Variants in MUC5B observed in about 807,000 individuals in gnomAD.
The protein encoded by MUC5B is mucin 5B, oligomeric mucus/gel-forming, also known as mucin-5B.
A neutral mutation model predicts 376.9 loss-of-function variants in MUC5B; 116 were observed. That is an observed-to-expected ratio of 0.31 (90% CI 0.26 to 0.36). The LOEUF is 0.36. Among genes scored for constraint, MUC5B ranks in the 10% least tolerant of loss-of-function variants. The probability of loss-of-function intolerance (pLI) is 1.00; values close to 1 mark genes in which losing one functional copy is unlikely to be tolerated. For synonymous variants in MUC5B, 3,517 were observed against 3,390.9 expected (o/e 1.04, Z -1.29); for missense variants, 7,165 against 7,769.9 (o/e 0.92, Z 2.93).
At chr11:1,231,617 G>A (rs1419204140) in intron 14 of MUC5B, 57 bp downstream of exon 14, 11 of 1,506,980 alleles carry the variant, frequency 7.3e-6, no homozygotes, top group African/African-American at 2.8e-5. Flanking sequence ...GCCTGGACTA[G>A]CGCCAGGCTG....
chr11:1,231,503 G>T lies in MUC5B; in HGVS notation c.1621G>T (p.Val541Leu). 6.2e-7 allele frequency: 1 copy of T among 1,606,974 alleles called. No homozygotes were observed. Among genetic ancestry groups the T allele is most frequent in the Non-Finnish European group, 8.5e-7 (1 of 1,177,554 alleles). ...GLGLQLLVQL[V>L]PLMQVFVRLD... Reference sequence around the variant, plus strand: ...GGGGCTGCAGCTGCTGGTGCAGCTGGTGCCACTCATGCAGGTGTTTGTCAG... The same window carrying T: ...GGGGCTGCAGCTGCTGGTGCAGCTGTTGCCACTCATGCAGGTGTTTGTCAG... Residue 541 changes from valine to leucine, a missense_variant, in exon 14 of 49, where the codon GTG (valine) becomes TTG (leucine). Val to Leu is a conservative substitution (Grantham distance 32). Coordinates refer to ENST00000529681, the MANE Select transcript of MUC5B (RefSeq NM_002458.3).
chr11:1,250,910 C>T lies in MUC5B; in HGVS notation c.14030C>T (p.Pro4677Leu), dbSNP rs1862664247. 2 of 1,590,932 alleles carry T rather than the reference C, an allele frequency of 1.3e-6. No individual in the cohort carries two copies. Among genetic ancestry groups the T allele is most frequent in the South Asian group, 1.1e-5 (1 of 89,148 alleles). The change falls in exon 31 of 49, where the codon CCC becomes CTC. Residue 4677 changes from proline (P) to leucine (L), a missense_variant. By Grantham distance (98) the Pro-to-Leu change is moderately conservative. Coordinates refer to ENST00000529681, the MANE Select transcript of MUC5B (RefSeq NM_002458.3). The stretch of plus-strand genomic sequence containing the variant: ...TCTAGCACACAGACCAGTGGTACTC[C>T]CCCATCACTGACCACCACGGCCACT... Reference protein sequence around the residue: ...PSSSTQTSGTPPSLTTTATTI... With the variant: ...PSSSTQTSGTLPSLTTTATTI...
rs1564944301 is a variant in MUC5B at position 1,246,578 on chromosome 11, C to A, written c.9698C>A (p.Thr3233Lys). The change falls in exon 31 of 49, where the codon ACA becomes AAA. Residue 3233 changes from threonine to lysine, a missense_variant. Thr to Lys is a moderately conservative substitution (Grantham distance 78). Transcript: ENST00000529681. ...PALRSTATTP[T>K]ATSVTAIPSS... ...CTGAGAAGCACAGCCACCACACCCA[C>A]AGCTACCAGCGTTACAGCCATCCCC... 1 of 1,613,588 alleles carries A rather than the reference C, an allele frequency of 6.2e-7. No individual in the cohort carries two copies. The highest frequency in any genetic ancestry group is 1.3e-5 in the African/African-American group (1 of 74,906).
Position 1,226,772 on chromosome 11 carries a change from C to A in MUC5B, c.357C>A (p.Arg119=). 6.2e-7 allele frequency: 1 copy of A among 1,612,538 alleles called. No individual in the cohort carries two copies. The highest frequency in any genetic ancestry group is 8.5e-7 in the Non-Finnish European group (1 of 1,179,802). Residue 119 remains arginine (R), a synonymous_variant, in exon 4 of 49, where the codon CGC becomes CGA. Coordinates refer to ENST00000529681, the MANE Select transcript of MUC5B (RefSeq NM_002458.3). ...AAYEDFNVQL[R]RGLVGSRPVV... The stretch of plus-strand genomic sequence containing the variant: ...ACGAGGACTTCAACGTCCAGCTACG[C>A]CGAGGCCTAGTGGGCTCCAGGCCTG...
At position 1,245,679 on chromosome 11, in the gene MUC5B, C is replaced by G. The variant is rs1445457455; in HGVS notation, c.8799C>G (p.Val2933=). ...TCCCCCTGCGGGAGTTGGGCCAGGTCGTGGAATGCAGCCTGGACTTTGGCC... is the reference window on the plus strand; with the variant it reads ...TCCCCCTGCGGGAGTTGGGCCAGGTGGTGGAATGCAGCCTGGACTTTGGCC... ...PGVPLRELGQ[V]VECSLDFGLV... Residue 2933 remains valine, a synonymous_variant, in exon 31 of 49, where the codon GTC becomes GTG. Transcript: ENST00000529681. 5.0e-6 allele frequency: 8 copies of G among 1,605,624 alleles called. No homozygotes were observed. In the African/African-American group the frequency reaches 6.8e-5, roughly 14 times the overall value.
In MUC5B at chr11:1,261,980, G is replaced by C. The variant is rs1454982983; in HGVS notation, c.*372G>C. The C allele has an allele frequency of 1.0e-5, 5 of 492,466 alleles. No homozygotes were observed. Among genetic ancestry groups the C allele is most frequent in the Non-Finnish European group, 2.0e-5 (5 of 249,430 alleles). 30.5% of individuals were successfully genotyped at this position (492,466 alleles called of 1,614,324 possible). ...CAGCTGGCCACGTCCGGCCGCTGGG[G>C]CAGACAGGCTGGTCCAGGCAAGGCC... is the stretch of plus-strand genomic sequence containing the variant. On this transcript the variant is annotated 3_prime_UTR_variant, in exon 49 of 49. Transcript: ENST00000529681.
intron 32 of MUC5B, 138 bp from the exon 33 acceptor site, chr11:1,252,671 G>C (rs1261022248): frequency 7.2e-7 from 1 of 1,388,486 alleles, no homozygotes; most frequent in African/African-American, 1.4e-5. Context: ...GGGCCTAGGG[G>C]CCAGGCTAGC....
chr11:1,248,530 G>A lies in MUC5B; in HGVS notation c.11650G>A (p.Ala3884Thr), dbSNP rs201805060. 6.2e-7 allele frequency: 1 copy of A among 1,612,794 alleles called. No homozygotes were observed. The highest frequency in any genetic ancestry group is 8.5e-7 in the Non-Finnish European group (1 of 1,179,556). Residue 3884 changes from alanine (A) to threonine (T), a missense_variant, in exon 31 of 49, where the codon GCA becomes ACA. Transcript: ENST00000529681. The stretch of plus-strand genomic sequence containing the variant: ...CACCCCCTCCTCCAGCCCAGGGACG[G>A]CACGCACGCCTCCAGTGTGGATCAG... ...TVTPSSSPGTARTPPVWISTT... is the reference protein window; with the variant it reads ...TVTPSSSPGTTRTPPVWISTT...
At position 1,231,021 on chromosome 11, in the gene MUC5B, A is replaced by C; in HGVS notation, c.1540+16A>C. On this transcript the variant is annotated intron_variant, in intron 13 of 48. Coordinates refer to ENST00000529681, the MANE Select transcript of MUC5B (RefSeq NM_002458.3). ...CTGTCGGCAGGTATGTGGCTCTCCCAGGACGGCCGGGCTGGGTGGCGCCTG... is the reference window on the plus strand; with the variant it reads ...CTGTCGGCAGGTATGTGGCTCTCCCCGGACGGCCGGGCTGGGTGGCGCCTG... The C allele has an allele frequency of 6.3e-7, 1 of 1,577,594 alleles. No individual in the cohort carries two copies.
chr11:1,244,270 A>T lies in MUC5B; in HGVS notation c.7390A>T (p.Ile2464Phe), dbSNP rs1862384620. 2.5e-6 allele frequency: 4 copies of T among 1,608,990 alleles called. No homozygotes were observed. In the African/African-American group the frequency reaches 5.4e-5, roughly 22 times the overall value. The change falls in exon 31 of 49, where the codon ATC (isoleucine) becomes TTC (phenylalanine). Residue 2464 changes from isoleucine to phenylalanine, a missense_variant. Transcript: ENST00000529681. ...GTCCTCCACCCCAGGGACCACCTGG[A>T]TCCTCACAGAGCCGAGCACTACAGC... is the stretch of plus-strand genomic sequence containing the variant. Reference protein sequence around the residue: ...TPSSTPGTTWILTEPSTTATV... With the variant: ...TPSSTPGTTWFLTEPSTTATV...
intron 25 of MUC5B, among the ~76,000 whole-genome samples, chr11:1,238,244 C>T (rs537937242): frequency 1.3e-5 from 2 of 152,342 alleles, no homozygotes; most frequent in East Asian, 3.9e-4. Flanking sequence ...TTCCTTAGTG[C>T]ACATTCACTG....
chr11:1,253,021 T>C lies in MUC5B; in HGVS notation c.15217+41T>C. On this transcript the variant is annotated intron_variant, in intron 33 of 48. Transcript: ENST00000529681. This position sits in a 1 kb window ranked among gnomAD's most constrained non-coding sequence, Gnocchi z 4.3. Reference sequence around the variant, plus strand: ...GCCGCGGGATTACCCCGGGGGCAGGTGGAGCAGAGTGCACCGTCGGCTAGG... The same window carrying C: ...GCCGCGGGATTACCCCGGGGGCAGGCGGAGCAGAGTGCACCGTCGGCTAGG... 6.3e-7 allele frequency: 1 copy of C among 1,589,404 alleles called. No individual in the cohort carries two copies. The highest frequency in any genetic ancestry group is 8.5e-7 in the Non-Finnish European group (1 of 1,169,752).
Position 1,229,246 on chromosome 11 carries a change from C to T in MUC5B, c.1053C>T (p.Arg351=), listed in dbSNP as rs376020643. The change falls in exon 9 of 49, where the codon CGC becomes CGT. Residue 351 remains arginine, a synonymous_variant. Transcript: ENST00000529681. Reference sequence around the variant, plus strand: ...CGGACACCTGCTCCAACCCCCAGCGCGCGCAGCTCTGCGAGGACCACTGTG... The same window carrying T: ...CGGACACCTGCTCCAACCCCCAGCGTGCGCAGCTCTGCGAGGACCACTGTG... ...PCTDTCSNPQ[R]AQLCEDHCVD... 1.1e-4 allele frequency: 169 copies of T among 1,594,546 alleles called. No individual in the cohort carries two copies. The highest frequency in any genetic ancestry group is 1.6e-4 in the Middle Eastern group (1 of 6,062).
chr11:1,234,579 G>A lies in MUC5B; in HGVS notation c.2529G>A (p.Ser843=), dbSNP rs768009234. ...GTGTCTGTCCCCCGGGGCTGGTGTC[G>A]GATGGGAGTGGGGGCTGCATTGCCG... ...SGCVCPPGLV[S]DGSGGCIAEE... The change falls in exon 21 of 49, where the codon TCG becomes TCA. Residue 843 remains serine (S), a synonymous_variant. Coordinates refer to ENST00000529681, the MANE Select transcript of MUC5B (RefSeq NM_002458.3). The surrounding 1 kb of genome is among the most constrained non-coding windows in gnomAD (Gnocchi z 6.3). 19 of 1,578,370 alleles carry A rather than the reference G, an allele frequency of 1.2e-5. No individual in the cohort carries two copies. The East Asian group carries it at 2.1e-4, about 17-fold the overall frequency.
chr11:1,235,471 A>G, intron 23 of MUC5B, 58 bp downstream of exon 23: 1 of 1,468,072 alleles, frequency 6.8e-7, no homozygotes, highest in Non-Finnish European at 9.4e-7. Flanking sequence ...GCCGGCCCCC[A>G]GGGAAGCTTC....
intron 7 of MUC5B, 192 bp from the exon 8 acceptor site, chr11:1,228,372 G>A (rs964765711): frequency 1.9e-5 from 11 of 575,808 alleles, no homozygotes; most frequent in African/African-American, 7.6e-5. Flanking sequence ...GGGGATCCCC[G>A]GTCACGGGTC....
chr11:1,231,648 C>A, intron 14 of MUC5B, 88 bp downstream of exon 14: 1 of 1,409,424 alleles, frequency 7.1e-7, no homozygotes, highest in Non-Finnish European at 9.5e-7. Flanking sequence ...CAGGCAGAGG[C>A]GGGCAGGGGA....
At position 1,234,103 on chromosome 11, in the gene MUC5B, G is replaced by T. The variant is rs999201701; in HGVS notation, c.2378-102G>T. 1.3e-5 allele frequency: 13 copies of T among 997,344 alleles called. No individual in the cohort carries two copies. The African/African-American group carries it at 1.6e-4, about 12-fold the overall frequency. The allele number at this position is 997,344 out of a possible 1,614,324, so 61.8% of individuals were successfully genotyped here. ...GTGTCATGGAAGCTTTGGCTCGGGGGCTGTTAACTTGATCAGCAGGACAGG... is the reference window on the plus strand; with the variant it reads ...GTGTCATGGAAGCTTTGGCTCGGGGTCTGTTAACTTGATCAGCAGGACAGG... On this transcript the variant is annotated intron_variant, in intron 19 of 48. Coordinates refer to ENST00000529681, the MANE Select transcript of MUC5B (RefSeq NM_002458.3). This position sits in a 1 kb window ranked among gnomAD's most constrained non-coding sequence, Gnocchi z 6.3.
chr11:1,248,784 G>C lies in MUC5B; in HGVS notation c.11904G>C (p.Gly3968=). 6.5e-7 allele frequency: 1 copy of C among 1,548,512 alleles called. No homozygotes were observed. The highest frequency in any genetic ancestry group is 8.7e-7 in the Non-Finnish European group (1 of 1,145,838). ...CCACCAACCCCTCCTCAACTCCAGGGACAACACCTATCCCCCCAGTGCTGA... is the reference window on the plus strand; with the variant it reads ...CCACCAACCCCTCCTCAACTCCAGGCACAACACCTATCCCCCCAGTGCTGA... ...GSTTNPSSTP[G]TTPIPPVLTT... Residue 3968 remains glycine, a synonymous_variant, in exon 31 of 49, where the codon GGG becomes GGC. Transcript: ENST00000529681.
Sources: gnomAD v4.1 joint callset for allele counts (sites outside exome capture counted in the v4.1 genomes callset) on GRCh38, gnomAD v4.1.1 for gene constraint, Gnocchi (gnomAD v3.1) non-coding constraint, MANE v1.5 for transcripts, NCBI Gene and HGNC (gene_info 2026-07-23, HGNC 2026-07-21) for gene names.